Variants in ZFHX3 observed in about 807,000 individuals in gnomAD.
ZFHX3 encodes zinc finger homeobox protein 3.
Under a neutral mutation model 279.1 loss-of-function variants are expected in ZFHX3, and 42 were observed. The ratio of observed to expected loss-of-function variants is 0.15; its 90% CI spans 0.12 to 0.19. The LOEUF (loss-of-function observed/expected upper bound fraction) is 0.19, where lower values mean the gene tolerates loss of function less well. Among genes scored for constraint, ZFHX3 ranks in the 10% least tolerant of loss-of-function variants. The pLI, the probability that ZFHX3 is intolerant of heterozygous loss-of-function variation, is 1.00. For missense variants in ZFHX3, 4,981 were observed against 4,754.0 expected (o/e 1.05, Z -1.40); for synonymous variants, 2,293 against 1,957.8 (o/e 1.17, Z -4.52).
chr16:73,247,109 T>A (rs2144950359), intron 5 of ZFHX3, among the ~76,000 whole-genome samples: 1 of 152,256 alleles, frequency 6.6e-6, no homozygotes, highest in African/African-American at 2.4e-5. Flanking sequence ...ATATAATGTG[T>A]CTGTCTATGT....
intron 2 of ZFHX3, among the ~76,000 whole-genome samples, chr16:73,521,844 C>T (rs1373392877): frequency 6.6e-6 from 1 of 151,794 alleles, no homozygotes; most frequent in African/African-American, 2.4e-5. Flanking sequence ...TATTATAATC[C>T]CTAAAATTCC....
Position 72,924,950 on chromosome 16 carries a change from A to G in ZFHX3, c.3216+25519T>C, listed in dbSNP as rs557623797. On this transcript the variant is annotated intron_variant, in intron 3 of 9. Coordinates refer to ENST00000268489, the MANE Select transcript of ZFHX3 (RefSeq NM_006885.4). Reference sequence around the variant, plus strand: ...CGCACCTATAGACCCAAAAACGGAGAAGGCAGATGGGTCTTACTCCGGCGC... The same window carrying G: ...CGCACCTATAGACCCAAAAACGGAGGAGGCAGATGGGTCTTACTCCGGCGC... 2.6e-5 allele frequency among the ~76,000 whole-genome samples: 4 copies of G among 152,250 alleles called. No homozygotes were observed. The South Asian group carries it at 8.3e-4, about 32-fold the overall frequency.
intron 2 of ZFHX3, among the ~76,000 whole-genome samples, chr16:73,568,903 C>T (rs142639406): frequency 6.6e-6 from 1 of 152,072 alleles, no homozygotes; most frequent in Admixed American, 6.6e-5. Context: ...GGTGAGCTGC[C>T]GGTGGAAAGC....
chr16:73,383,824 G>A (rs566448600), intron 3 of ZFHX3, among the ~76,000 whole-genome samples: 10 of 152,248 alleles, frequency 6.6e-5, no homozygotes, highest in Admixed American at 3.9e-4. Flanking sequence ...GCTTGCCAAC[G>A]ATGCTGGTCT....
At position 72,950,906 on chromosome 16, in the gene ZFHX3, G is replaced by A. The variant is rs578074790; in HGVS notation, c.2779C>T (p.Leu927=). 1.2e-6 allele frequency: 2 copies of A among 1,614,018 alleles called. No homozygotes were observed. Among genetic ancestry groups the A allele is most frequent in the East Asian group, 2.2e-5 (1 of 44,876 alleles). The change falls in exon 3 of 10, where the codon CTG becomes TTG. Residue 927 remains leucine (L), a synonymous_variant. Coordinates refer to ENST00000268489, the MANE Select transcript of ZFHX3 (RefSeq NM_006885.4). The stretch of plus-strand genomic sequence containing the variant: ...ATGAAGCTCTCGCCCAGGTTCATCA[G>A]CTCCTCTGACACCAGCTGCCCGCCC... The part of the protein sequence containing the change: ...LGGGQLVSEE[L]MNLGESFIQT...
chr16:73,645,631 C>T (rs1015291493), intron 2 of ZFHX3, among the ~76,000 whole-genome samples: 5 of 152,084 alleles, frequency 3.3e-5, no homozygotes, highest in Admixed American at 1.3e-4. Flanking sequence ...TGTCATGTTT[C>T]CCCTTCTTTA....
In ZFHX3 at chr16:73,613,444, T is replaced by TA. The variant is rs2052267268; in HGVS notation, c.-1547+66735_-1547+66736insT. 1.2e-4 allele frequency among the ~76,000 whole-genome samples: 18 copies of TA among 151,804 alleles called. No individual in the cohort carries two copies. In the South Asian group the frequency reaches 3.8e-3, roughly 32 times the overall value. On this transcript the variant is annotated intron_variant, in intron 2 of 17. Coordinates refer to the ZFHX3 transcript ENST00000641206. ...AAATTGTTCTTAGCTTTTGCTTTTT[T>TA]TGTTTGTTTGTTTTTTGGATGTGAG...
chr16:73,501,873 G>T (rs949388573), intron 2 of ZFHX3, among the ~76,000 whole-genome samples: 24 of 152,184 alleles, frequency 1.6e-4, no homozygotes, highest in African/African-American at 5.6e-4. Context: ...CTGTAAGGGG[G>T]TGAGGAGCCG....
chr16:72,790,442 A>T (rs1180794705), intron 9 of ZFHX3: 1 of 152,038 alleles, frequency 6.6e-6, no homozygotes, highest in Admixed American at 6.6e-5. Flanking sequence ...GACACTGAGG[A>T]AAAAAAAGCA....
intron 5 of ZFHX3, among the ~76,000 whole-genome samples, chr16:72,826,735 G>A (rs2036941474): frequency 6.6e-6 from 1 of 152,318 alleles, no homozygotes; most frequent in Admixed American, 6.5e-5. Flanking sequence ...GCATCTCTGA[G>A]TTATTCATTC....
chr16:73,439,565 G>A lies in ZFHX3; in HGVS notation c.-1291+16438C>T, dbSNP rs149204711. Among the ~76,000 whole-genome samples, 21 of 152,238 alleles carry A rather than the reference G, an allele frequency of 1.4e-4. No individual in the cohort carries two copies. The East Asian group carries it at 4.1e-3, about 29-fold the overall frequency. On this transcript the variant is annotated intron_variant, in intron 3 of 17. Coordinates refer to the ZFHX3 transcript ENST00000641206. ...TACACTCTTTCACTCCCTGTGTGAT[G>A]TATGAAAAGCAGACTGCAATTATAT...
At chr16:72,899,429 G>T (rs188276892) in intron 3 of ZFHX3, among the ~76,000 whole-genome samples, 5 of 152,286 alleles carry the variant, frequency 3.3e-5, no homozygotes, top group East Asian at 1.9e-4. Context: ...CATCATGATT[G>T]TAAGTTTTCT....
rs564225619 is a variant in ZFHX3 at position 73,139,489 on chromosome 16, A to G, written c.-1024+4263T>C. ...TCAAGATATTGTACATTATCTTTTA[A>G]TCAGAAAAATAAAGCTTAAAGCTAG... On this transcript the variant is annotated intron_variant, in intron 6 of 17. Coordinates refer to the ZFHX3 transcript ENST00000641206. Among the ~76,000 whole-genome samples the G allele has an allele frequency of 6.6e-5, 10 of 152,334 alleles. No individual in the cohort carries two copies. The East Asian group carries it at 1.2e-3, about 18-fold the overall frequency.
At chr16:73,420,020 C>T (rs1228411472) in intron 3 of ZFHX3, 1 of 151,984 alleles carries the variant, frequency 6.6e-6, no homozygotes, top group African/African-American at 2.4e-5. Flanking sequence ...AATCCTCCCA[C>T]CTCAGTCTTC....
chr16:73,853,250 G>A (rs1040410151), intron 1 of ZFHX3, among the ~76,000 whole-genome samples: 10 of 152,154 alleles, frequency 6.6e-5, no homozygotes, highest in African/African-American at 1.9e-4. Flanking sequence ...GTTCAAACTC[G>A]ATGGACAACA....
chr16:72,882,337 C>T (rs1353551374), intron 4 of ZFHX3, among the ~76,000 whole-genome samples: 4 of 152,104 alleles, frequency 2.6e-5, no homozygotes, highest in Non-Finnish European at 5.9e-5. Context: ...CAACACTAAC[C>T]AGAAGGGCAG....
chr16:73,605,192 A>C (rs1461905802), intron 2 of ZFHX3, among the ~76,000 whole-genome samples: 1 of 152,222 alleles, frequency 6.6e-6, no homozygotes, highest in African/African-American at 2.4e-5. Flanking sequence ...CACTCTTAAA[A>C]TGGAACCATG....
intron 1 of ZFHX3, among the ~76,000 whole-genome samples, chr16:73,768,809 T>C (rs2053983764): frequency 6.6e-6 from 1 of 152,178 alleles, no homozygotes. Context: ...TGATGAGTAG[T>C]GGCGACCTAC....
intron 3 of ZFHX3, among the ~76,000 whole-genome samples, chr16:73,452,031 C>G (rs2018288704): frequency 6.6e-6 from 1 of 152,132 alleles, no homozygotes; most frequent in Admixed American, 6.5e-5. Context: ...TTGAGCTCAG[C>G]AGTACACAAA....
Sources: gnomAD v4.1 joint callset for allele counts (sites outside exome capture counted in the v4.1 genomes callset) on GRCh38, gnomAD v4.1.1 for gene constraint, MANE v1.5 for transcripts, NCBI Gene and HGNC (gene_info 2026-07-23, HGNC 2026-07-21) for gene names.